The following TYW1 variants were observed in gnomAD, a reference collection of about 807,000 sequenced individuals.
TYW1 encodes the protein S-adenosyl-L-methionine-dependent tRNA 4-demethylwyosine synthase TYW1.
A neutral mutation model predicts 96.2 loss-of-function variants in TYW1; 46 were observed. That is an observed-to-expected ratio of 0.48 (90% CI 0.38 to 0.61). The LOEUF is 0.61. TYW1 is among the 20% of genes least tolerant of loss of function. The pLI, the probability that TYW1 is intolerant of heterozygous loss-of-function variation, is 0.00. For missense variants in TYW1, 684 were observed against 909.6 expected (o/e 0.75, Z 3.19); for synonymous variants, 274 against 323.0 (o/e 0.85, Z 1.63).
intron 13 of TYW1, among the ~76,000 whole-genome samples, chr7:67,126,956 AT>A (rs1797929615): frequency 6.6e-6 from 1 of 151,002 alleles, no homozygotes; most frequent in Admixed American, 6.6e-5. Context: ...TGTATTCCAC[AT>A]TTTTTCTTTT....
intron 3 of TYW1, 74 bp from the exon 4 acceptor site, chr7:67,009,509 G>C: frequency 7.5e-7 from 1 of 1,326,544 alleles, no homozygotes; most frequent in Non-Finnish European, 1.1e-6. Flanking sequence ...CCACATTCTT[G>C]TGCCAACAGG....
chr7:67,172,088 G>T (rs4559131), intron 13 of TYW1, among the ~76,000 whole-genome samples: 42,671 of 151,854 alleles, frequency 0.28, 6,503 homozygotes, highest in African/African-American at 0.4. Flanking sequence ...GAATTTAAAT[G>T]TAGCATCTAA....
chr7:67,076,156 A>G (rs976095801), intron 10 of TYW1, among the ~76,000 whole-genome samples: 7 of 152,150 alleles, frequency 4.6e-5, no homozygotes, highest in African/African-American at 1.7e-4. Context: ...GAAAAGTTCT[A>G]AGTTGCTAGC....
chr7:67,136,076 G>A (rs1798245460), intron 13 of TYW1, among the ~76,000 whole-genome samples: 1 of 152,132 alleles, frequency 6.6e-6, no homozygotes, highest in Non-Finnish European at 1.5e-5. Context: ...AGAGCTGTTT[G>A]GCTTCATGGT....
At chr7:67,069,906 T>G (rs1454326329) in intron 10 of TYW1, among the ~76,000 whole-genome samples, 1 of 152,230 alleles carries the variant, frequency 6.6e-6, no homozygotes, top group Non-Finnish European at 1.5e-5. Flanking sequence ...CTTTAGTATT[T>G]ATCGTAGGGC....
intron 13 of TYW1, among the ~76,000 whole-genome samples, chr7:67,159,540 T>C (rs761661694): frequency 1.6e-4 from 24 of 152,230 alleles, no homozygotes; most frequent in Non-Finnish European, 3.2e-4. Context: ...GTATAAAAAG[T>C]GTACAGCTGA....
intron 12 of TYW1, among the ~76,000 whole-genome samples, chr7:67,113,472 A>G (rs1265509095): frequency 6.6e-6 from 1 of 152,124 alleles, no homozygotes; most frequent in African/African-American, 2.4e-5. Context: ...TTTTTCATTT[A>G]TGGAATACCG....
chr7:67,181,885 G>A (rs766269848), intron 13 of TYW1, among the ~76,000 whole-genome samples: 1 of 152,128 alleles, frequency 6.6e-6, no homozygotes, highest in Non-Finnish European at 1.5e-5. Flanking sequence ...TCTCAGTGCA[G>A]TGGCGTGATC....
At chr7:66,997,771 GGT>G (rs1267039287) in intron 1 of TYW1, among the ~76,000 whole-genome samples, 4 of 152,036 alleles carry the variant, frequency 2.6e-5, no homozygotes, top group Admixed American at 2.6e-4. Flanking sequence ...TGGGATTACA[GGT>G]GCGCGCCACC....
At chr7:67,212,569 C>G (rs1012967186) in intron 15 of TYW1, among the ~76,000 whole-genome samples, 2 of 152,194 alleles carry the variant, frequency 1.3e-5, no homozygotes, top group African/African-American at 4.8e-5. Flanking sequence ...AAAAAACTGT[C>G]TTCCAAAGTA....
chr7:67,135,104 G>C (rs541958812), intron 13 of TYW1, among the ~76,000 whole-genome samples: 1 of 152,102 alleles, frequency 6.6e-6, no homozygotes, highest in South Asian at 2.1e-4. Flanking sequence ...CTAGGTGACA[G>C]AGTGACACCC....
intron 14 of TYW1, among the ~76,000 whole-genome samples, chr7:67,186,232 TG>T (rs1166847233): frequency 7.8e-5 from 11 of 141,596 alleles, no homozygotes; most frequent in Non-Finnish European, 1.7e-4. Context: ...GCAGCTTGGC[TG>T]GATCTCCCTT....
At chr7:67,130,811 C>T (rs777069744) in intron 13 of TYW1, among the ~76,000 whole-genome samples, 1 of 152,174 alleles carries the variant, frequency 6.6e-6, no homozygotes. Flanking sequence ...TCCTTCCCTC[C>T]CCTCCCACAG....
chr7:67,127,439 C>T (rs775059326), intron 13 of TYW1, among the ~76,000 whole-genome samples: 22 of 152,080 alleles, frequency 1.4e-4, no homozygotes, highest in Non-Finnish European at 4.4e-5. Flanking sequence ...GGATTATAGG[C>T]TTGACCCACT....
intron 15 of TYW1, among the ~76,000 whole-genome samples, chr7:67,213,094 A>C (rs1801092030): frequency 6.6e-6 from 1 of 151,882 alleles, no homozygotes; most frequent in Non-Finnish European, 1.5e-5. Context: ...GCTAGTCTCG[A>C]ACTCCTGACC....
At chr7:67,201,927 T>C (rs886403055) in intron 15 of TYW1, among the ~76,000 whole-genome samples, 1 of 152,158 alleles carries the variant, frequency 6.6e-6, no homozygotes, top group African/African-American at 2.4e-5. Flanking sequence ...AACTGGGAAC[T>C]ATCTCAAGCT....
chr7:67,156,725 T>G (rs11761640), intron 13 of TYW1, among the ~76,000 whole-genome samples: 38,948 of 151,274 alleles, frequency 0.26, 5,485 homozygotes, highest in African/African-American at 0.37. Flanking sequence ...GGGCTATTGG[T>G]CTCCAGGGCA....
chr7:67,127,935 G>C (rs1366009260), intron 13 of TYW1, among the ~76,000 whole-genome samples: 2 of 151,840 alleles, frequency 1.3e-5, no homozygotes, highest in East Asian at 3.9e-4. Flanking sequence ...CTTTTCTATA[G>C]GTAAGGCTTT....
At chr7:67,029,900 C>T (rs1046998169) in intron 7 of TYW1, among the ~76,000 whole-genome samples, 8 of 152,094 alleles carry the variant, frequency 5.3e-5, no homozygotes, top group East Asian at 3.9e-4. Context: ...AAGGTCTCAC[C>T]ATGTTGCCCA....
Sources: gnomAD v4.1 joint callset for allele counts (sites outside exome capture counted in the v4.1 genomes callset) on GRCh38, gnomAD v4.1.1 for gene constraint, MANE v1.5 for transcripts, NCBI Gene and HGNC (gene_info 2026-07-23, HGNC 2026-07-21) for gene names.